Variants in DRC9 observed in about 807,000 individuals in gnomAD.
DRC9 encodes the protein dynein regulatory complex subunit 9, also known as dynein regulatory complex protein 9.
At chr3:197,953,355 G>A in the DRC9 span, 1 of 440,576 alleles carries the variant, frequency 2.3e-6, no homozygotes, top group Non-Finnish European at 4.6e-6. Context: ...CAGCCTGGGT[G>A]ACAAGACAAC....
At chr3:197,912,989 C>T in the DRC9 span, 21 of 471,118 alleles carry the variant, frequency 4.5e-5, no homozygotes, top group East Asian at 7.7e-4. Flanking sequence ...CAGAGGTGCC[C>T]ACTGAAGGAC....
the DRC9 span, chr3:197,951,483 G>A: frequency 1.4e-6 from 1 of 691,570 alleles, no homozygotes; most frequent in Non-Finnish European, 2.5e-6. Context: ...CTCCCGAGTA[G>A]CTGGGATTAC....
At chr3:197,932,840 A>T in the DRC9 span, among the ~76,000 whole-genome samples, 7 of 89,940 alleles carry the variant, frequency 7.8e-5, no homozygotes, top group Non-Finnish European at 1.0e-4. Flanking sequence ...TTATATATGT[A>T]TTATATATAA....
At chr3:197,897,404 C>T in the DRC9 span, among the ~76,000 whole-genome samples, 1 of 152,044 alleles carries the variant, frequency 6.6e-6, no homozygotes, top group East Asian at 1.9e-4. Flanking sequence ...CCGCTATATT[C>T]TTTTTTTGGT....
At chr3:197,950,158 A>G in the DRC9 span, 11 of 1,231,654 alleles carry the variant, frequency 8.9e-6, no homozygotes, top group Non-Finnish European at 1.1e-5. Context: ...AAAGATGTTT[A>G]ATCCCACAAG....
chr3:197,931,208 G>A, the DRC9 span, among the ~76,000 whole-genome samples: 7 of 151,450 alleles, frequency 4.6e-5, no homozygotes, highest in South Asian at 6.3e-4. Flanking sequence ...CAGGCCGAGC[G>A]CGGTGGCTCA....
At chr3:197,912,770 C>T in the DRC9 span, 1 of 1,594,362 alleles carries the variant, frequency 6.3e-7, no homozygotes, top group Non-Finnish European at 8.6e-7. Flanking sequence ...AATCAGATAC[C>T]AGTACGTCTT....
chr3:197,889,661 C>A, the DRC9 span: 1 of 1,614,206 alleles, frequency 6.2e-7, no homozygotes, highest in Non-Finnish European at 8.5e-7. Context: ...CTTTAGGCAT[C>A]TTGAAACCAC....
chr3:197,895,405 G>A, the DRC9 span, among the ~76,000 whole-genome samples: 1 of 152,128 alleles, frequency 6.6e-6, no homozygotes, highest in Admixed American at 6.6e-5. Context: ...CAGCAGCTGG[G>A]ACTACAGGTG....
chr3:197,897,709 C>T, the DRC9 span, among the ~76,000 whole-genome samples: 4 of 150,780 alleles, frequency 2.7e-5, no homozygotes, highest in African/African-American at 9.7e-5. Flanking sequence ...GGAATATTTA[C>T]ATAGTCTGAC....
At chr3:197,913,782 G>A in the DRC9 span, 3 of 1,249,846 alleles carry the variant, frequency 2.4e-6, no homozygotes, top group Non-Finnish European at 2.4e-6. Context: ...TAGAGATGGA[G>A]GGAAATCTTT....
chr3:197,952,219 GAGTGC>G, the DRC9 span, among the ~76,000 whole-genome samples: 1 of 133,934 alleles, frequency 7.5e-6, no homozygotes. Flanking sequence ...ACCTAGGCTG[GAGTGC>G]AGTAGCACAA....
the DRC9 span, among the ~76,000 whole-genome samples, chr3:197,915,244 A>AAG: frequency 6.6e-6 from 1 of 150,948 alleles, no homozygotes; most frequent in African/African-American, 2.4e-5. Flanking sequence ...GAACTCTAAA[A>AAG]AAAAAAAAAA....
At chr3:197,952,905 T>C in the DRC9 span, among the ~76,000 whole-genome samples, 6 of 151,504 alleles carry the variant, frequency 4.0e-5, no homozygotes. Flanking sequence ...TGATCTCAGC[T>C]CACTGCAACC....
the DRC9 span, among the ~76,000 whole-genome samples, chr3:197,921,179 C>T: frequency 1.5e-4 from 19 of 125,658 alleles, 1 homozygote; most frequent in East Asian, 1.6e-3. Flanking sequence ...TTGGTCGACC[C>T]GACTACTGGT....
the DRC9 span, among the ~76,000 whole-genome samples, chr3:197,937,615 G>A: frequency 6.6e-6 from 1 of 151,926 alleles, no homozygotes; most frequent in Non-Finnish European, 1.5e-5. Context: ...AGGCACCTGA[G>A]ATTACAGGTG....
At chr3:197,896,836 T>C in the DRC9 span, among the ~76,000 whole-genome samples, 3 of 152,194 alleles carry the variant, frequency 2.0e-5, no homozygotes, top group Non-Finnish European at 2.9e-5. Context: ...ATTTGGGTGA[T>C]GTAAAAATTG....
the DRC9 span, among the ~76,000 whole-genome samples, chr3:197,931,468 C>A: frequency 3.3e-5 from 5 of 150,854 alleles, no homozygotes; most frequent in African/African-American, 1.2e-4. Flanking sequence ...GGTGACAGAG[C>A]AAGACTCCAT....
chr3:197,905,088 G>A, the DRC9 span, among the ~76,000 whole-genome samples: 1 of 152,286 alleles, frequency 6.6e-6, no homozygotes, highest in East Asian at 1.9e-4. Context: ...AGCTGGGAAG[G>A]TAGTGGGGGA....
Sources: gnomAD v4.1 joint callset for allele counts (sites outside exome capture counted in the v4.1 genomes callset) on GRCh38, gnomAD v4.1.1 for gene constraint, MANE v1.5 for transcripts, NCBI Gene and HGNC (gene_info 2026-07-23, HGNC 2026-07-21) for gene names.